The following SUZ12 variants were observed in gnomAD, a reference collection of about 807,000 sequenced individuals.
SUZ12 encodes polycomb protein SUZ12.
SUZ12 carries 17 observed loss-of-function variants against 87.3 expected under a neutral mutation model. The observed-to-expected ratio is 0.19, with a 90% CI of 0.13 to 0.29. The LOEUF is 0.29. Among genes scored for constraint, SUZ12 ranks in the 10% least tolerant of loss-of-function variants. The pLI is 1.00. For synonymous variants in SUZ12, 253 were observed against 312.4 expected, an observed-to-expected ratio of 0.81 and a Z score of 2.01; for missense variants, 526 against 912.2, an observed-to-expected ratio of 0.58 and a Z score of 5.45.
rs1411752798 is a variant in SUZ12, at chr17:31,937,049, G to T, written c.-198G>T. The T allele has an allele frequency of 4.4e-6, 2 of 453,828 alleles. No homozygotes were observed. The highest frequency in any genetic ancestry group is 7.3e-5 in the East Asian group (2 of 27,388). 28.1% of individuals were successfully genotyped at this position (453,828 alleles called of 1,614,324 possible). A position where few individuals can be genotyped will look rare whatever the true frequency, so the allele number is the denominator to read the frequency against. On this transcript the variant is annotated 5_prime_UTR_variant, in exon 1 of 16. Transcript: ENST00000322652. ...GGGTGAGCGGCCTCCGAAGCGGAGCGGGGCTCTGAGGAGACACTTTTTTTT... is the reference window on the plus strand; with the variant it reads ...GGGTGAGCGGCCTCCGAAGCGGAGCTGGGCTCTGAGGAGACACTTTTTTTT...
chr17:31,946,447 G>A (rs995223934), intron 3 of SUZ12, among the ~76,000 whole-genome samples: 3 of 152,126 alleles, frequency 2.0e-5, no homozygotes, highest in Admixed American at 1.3e-4. Context: ...CAGGAGAATT[G>A]CCTGAACCCG....
chr17:31,997,893 T>C (rs1910064584), intron 15 of SUZ12, among the ~76,000 whole-genome samples: 1 of 152,106 alleles, frequency 6.6e-6, no homozygotes, highest in African/African-American at 2.4e-5. Context: ...GTTTACCATT[T>C]CATAGAGGTG....
intron 9 of SUZ12, among the ~76,000 whole-genome samples, chr17:31,983,638 C>G (rs1187108421): frequency 1.3e-5 from 2 of 152,140 alleles, no homozygotes; most frequent in Non-Finnish European, 2.9e-5. Context: ...CTGCTCCTAG[C>G]TATGTGGCGT....
intron 6 of SUZ12, among the ~76,000 whole-genome samples, chr17:31,973,785 C>T (rs984294475): frequency 1.3e-5 from 2 of 152,100 alleles, no homozygotes; most frequent in African/African-American, 4.8e-5. Context: ...CTCAAGTCCT[C>T]GAGTGTTTCA....
intron 14 of SUZ12, 76 bp from the exon 15 acceptor site, chr17:31,996,722 A>G (rs1909997747): frequency 1.9e-6 from 2 of 1,039,484 alleles, no homozygotes; most frequent in African/African-American, 1.7e-5. Context: ...TAGTTCCAAA[A>G]CATTCTGTTT....
chr17:31,982,530 G>A (rs1207761411), intron 8 of SUZ12, among the ~76,000 whole-genome samples: 11 of 151,996 alleles, frequency 7.2e-5, no homozygotes, highest in Admixed American at 3.3e-4. Flanking sequence ...ATAGTGGCAC[G>A]CGCCTGTAAT....
chr17:31,952,269 A>G (rs917671484), intron 4 of SUZ12, among the ~76,000 whole-genome samples: 23 of 152,306 alleles, frequency 1.5e-4, no homozygotes, highest in Middle Eastern at 6.8e-3. Flanking sequence ...TATGTTGCCC[A>G]GGCTGGTCTC....
intron 4 of SUZ12, among the ~76,000 whole-genome samples, chr17:31,948,428 A>C (rs1412004039): frequency 6.6e-6 from 1 of 152,238 alleles, no homozygotes; most frequent in Non-Finnish European, 1.5e-5. Context: ...TAGAGAGTGC[A>C]GAACTAAAAA....
At chr17:31,988,590 G>GATT in intron 10 of SUZ12, 93 bp downstream of exon 10, 1 of 1,249,260 alleles carries the variant, frequency 8.0e-7, no homozygotes, top group Non-Finnish European at 1.1e-6. Flanking sequence ...TGCTTTATGT[G>GATT]ATTCTTCTTT....
chr17:31,959,294 C>G (rs1396525334), intron 4 of SUZ12, among the ~76,000 whole-genome samples: 1 of 152,086 alleles, frequency 6.6e-6, no homozygotes, highest in African/African-American at 2.4e-5. Flanking sequence ...TTTGAATATT[C>G]AAGAACAAAT....
At chr17:31,963,678 A>G (rs796564085) in intron 4 of SUZ12, 20,667 of 138,626 alleles carry the variant, frequency 0.15, 1 homozygote, top group African/African-American at 0.31. Flanking sequence ...GCCTGCCACC[A>G]CGCCTGGCAT....
intron 4 of SUZ12, among the ~76,000 whole-genome samples, chr17:31,964,236 A>G (rs1419637868): frequency 6.6e-6 from 1 of 151,888 alleles, no homozygotes; most frequent in Non-Finnish European, 1.5e-5. Context: ...CGTGTTAGCC[A>G]GGATAGTCTT....
intron 4 of SUZ12, among the ~76,000 whole-genome samples, chr17:31,958,572 G>A (rs1181712629): frequency 2.0e-5 from 3 of 152,102 alleles, no homozygotes; most frequent in Admixed American, 2.0e-4. Flanking sequence ...ATTAGGCCAG[G>A]TGCGGTGGCT....
At chr17:31,973,750 A>C (rs1299178560) in intron 6 of SUZ12, among the ~76,000 whole-genome samples, 1 of 152,166 alleles carries the variant, frequency 6.6e-6, no homozygotes, top group African/African-American at 2.4e-5. Context: ...AACCGATCAA[A>C]GCCAACATAT....
At chr17:31,962,795 G>A (rs1598161983) in intron 4 of SUZ12, among the ~76,000 whole-genome samples, 1 of 152,384 alleles carries the variant, frequency 6.6e-6, no homozygotes, top group East Asian at 1.9e-4. Flanking sequence ...AGATTTGGTA[G>A]GTGGGGTCTC....
intron 5 of SUZ12, among the ~76,000 whole-genome samples, chr17:31,968,789 A>G (rs1908242883): frequency 6.6e-6 from 1 of 152,138 alleles, no homozygotes. Context: ...TGAATTTTAT[A>G]CATTCATTAG....
intron 7 of SUZ12, 37 bp downstream of exon 7, chr17:31,975,750 C>G: frequency 6.8e-7 from 1 of 1,475,282 alleles, no homozygotes; most frequent in East Asian, 2.4e-5. Context: ...TCACTGGAGA[C>G]TAAGATGGTC....
chr17:31,996,251 T>G (rs1294657981), intron 14 of SUZ12, among the ~76,000 whole-genome samples: 3 of 152,156 alleles, frequency 2.0e-5, no homozygotes, highest in African/African-American at 7.2e-5. Flanking sequence ...GAATATGGAT[T>G]TTCTTCAAGT....
intron 5 of SUZ12, among the ~76,000 whole-genome samples, chr17:31,969,735 T>TC (rs981743856): frequency 6.6e-6 from 1 of 152,176 alleles, no homozygotes; most frequent in Non-Finnish European, 1.5e-5. Flanking sequence ...AAAACCAACA[T>TC]CAAGTTCTCT....
Sources: gnomAD v4.1 joint callset for allele counts (sites outside exome capture counted in the v4.1 genomes callset) on GRCh38, gnomAD v4.1.1 for gene constraint, MANE v1.5 for transcripts, NCBI Gene and HGNC (gene_info 2026-07-23, HGNC 2026-07-21) for gene names.